FARP2: variants seen among roughly 807,000 people sequenced by gnomAD.
The protein encoded by FARP2 is FERM, ARHGEF and pleckstrin domain-containing protein 2.
Under a neutral mutation model 130.5 loss-of-function variants are expected in FARP2, and 111 were observed. The observed-to-expected ratio is 0.85, with a 90% CI of 0.73 to 1.00. The LOEUF (loss-of-function observed/expected upper bound fraction) is 1.00, where lower values mean the gene tolerates loss of function less well. Ranked by LOEUF, FARP2 falls within the 50% of genes least tolerant of loss-of-function variation. The pLI is 0.00. For synonymous variants in FARP2, 504 were observed against 516.9 expected, an observed-to-expected ratio of 0.98 and a Z score of 0.34; for missense variants, 1,385 against 1,346.3, an observed-to-expected ratio of 1.03 and a Z score of -0.45.
intron 19 of FARP2, among the ~76,000 whole-genome samples, chr2:241,481,055 CCAAAAAAAAA>C (rs764233978): frequency 4.8e-5 from 3 of 62,590 alleles, no homozygotes; most frequent in African/African-American, 1.9e-4. Context: ...CTTGTCTCTA[CCAAAAAAAAA>C]AAAAAAAAAA....
At chr2:241,477,123 CTT>C (rs71406462) in intron 19 of FARP2, among the ~76,000 whole-genome samples, 14 of 122,630 alleles carry the variant, frequency 1.1e-4, no homozygotes, top group African/African-American at 1.2e-4. Context: ...ATTCATGTTC[CTT>C]TTTTTTTTTT....
At chr2:241,374,370 T>C (rs1361303658) in intron 2 of FARP2, among the ~76,000 whole-genome samples, 1 of 152,260 alleles carries the variant, frequency 6.6e-6, no homozygotes, top group East Asian at 1.9e-4. Context: ...TTCTCTTTTT[T>C]CTAATTTTTT....
intron 8 of FARP2, among the ~76,000 whole-genome samples, chr2:241,421,101 A>G (rs941970714): frequency 1.3e-5 from 2 of 152,170 alleles, no homozygotes; most frequent in Non-Finnish European, 2.9e-5. Context: ...TCCCCAGCCA[A>G]GAGAAATGGT....
At chr2:241,384,805 A>G (rs1330465864) in intron 2 of FARP2, among the ~76,000 whole-genome samples, 2 of 152,226 alleles carry the variant, frequency 1.3e-5, no homozygotes, top group South Asian at 2.1e-4. Context: ...AGACATTACT[A>G]TCCTAGGAAA....
In FARP2 at chr2:241,379,832, G is replaced by A. The variant is rs1438233902; in HGVS notation, c.183+6542G>A. 2.6e-4 allele frequency among the ~76,000 whole-genome samples: 40 copies of A among 152,196 alleles called. 1 individual carries two copies. The highest frequency in any genetic ancestry group is 2.6e-3 in the Admixed American group (39 of 15,268). ...CTCTTATGTGTTTCTGGGATACCAA[G>A]CTATTATGTGACTCTGCCCTAGCTT... On this transcript the variant is annotated intron_variant, in intron 2 of 26. Coordinates refer to ENST00000264042, the MANE Select transcript of FARP2 (RefSeq NM_014808.4).
chr2:241,381,546 G>GA (rs1264032884), intron 2 of FARP2, among the ~76,000 whole-genome samples: 1 of 152,096 alleles, frequency 6.6e-6, no homozygotes, highest in Non-Finnish European at 1.5e-5. Flanking sequence ...TCCACAGCTG[G>GA]AAGGTGCAGT....
At chr2:241,465,922 C>T in intron 17 of FARP2, 1 of 1,425,332 alleles carries the variant, frequency 7.0e-7, no homozygotes, top group Non-Finnish European at 9.2e-7. Context: ...GTGCCCTTTT[C>T]CTGCCTCGAC....
At chr2:241,393,737 C>T (rs1201900546) in intron 2 of FARP2, among the ~76,000 whole-genome samples, 2 of 152,166 alleles carry the variant, frequency 1.3e-5, no homozygotes, top group Non-Finnish European at 1.5e-5. Flanking sequence ...TAAAGAAGTA[C>T]TTTGTTAGCC....
At chr2:241,356,740 C>T (rs755847524) in intron 1 of FARP2, among the ~76,000 whole-genome samples, 1 of 152,116 alleles carries the variant, frequency 6.6e-6, no homozygotes, top group African/African-American at 2.4e-5. Context: ...TTGAGTTGTG[C>T]CCCGTGGAGG....
intron 1 of FARP2, among the ~76,000 whole-genome samples, chr2:241,357,310 A>G (rs547145564): frequency 2.5e-4 from 38 of 152,268 alleles, no homozygotes; most frequent in African/African-American, 8.7e-4. Context: ...GCAGTGGGTT[A>G]GCGTGTTGGT....
intron 19 of FARP2, chr2:241,477,811 G>A (rs1171733520): frequency 6.6e-6 from 1 of 152,558 alleles, no homozygotes; most frequent in African/African-American, 2.4e-5. Flanking sequence ...GATAGCTAAT[G>A]ATATTGAGCA....
At chr2:241,491,205 G>T (rs149385532) in intron 23 of FARP2, 26 bp downstream of exon 23, 11 of 1,535,100 alleles carry the variant, frequency 7.2e-6, no homozygotes, top group Middle Eastern at 1.7e-4. Flanking sequence ...AACCCCCCAG[G>T]AGACCTCCAC....
At chr2:241,385,411 A>G (rs1311958748) in intron 2 of FARP2, among the ~76,000 whole-genome samples, 1 of 152,210 alleles carries the variant, frequency 6.6e-6, no homozygotes, top group Non-Finnish European at 1.5e-5. Flanking sequence ...TATACATCCA[A>G]CAAAAAATTC....
intron 2 of FARP2, chr2:241,387,340 G>A (rs1006396495): frequency 1.3e-5 from 2 of 152,096 alleles, no homozygotes; most frequent in Admixed American, 6.6e-5. Context: ...ATGACACTAC[G>A]TTGTATATAG....
intron 2 of FARP2, among the ~76,000 whole-genome samples, chr2:241,391,412 C>T (rs2061901262): frequency 6.6e-6 from 1 of 152,124 alleles, no homozygotes; most frequent in African/African-American, 2.4e-5. Context: ...TGTGCCCTTG[C>T]CCAGGTGGAA....
intron 1 of FARP2, among the ~76,000 whole-genome samples, chr2:241,368,723 C>G (rs753793591): frequency 6.6e-6 from 1 of 152,098 alleles, no homozygotes; most frequent in Non-Finnish European, 1.5e-5. Flanking sequence ...CCTCCCACCT[C>G]AGTCTCCTGA....
intron 7 of FARP2, among the ~76,000 whole-genome samples, chr2:241,413,915 C>T (rs1240770016): frequency 6.6e-6 from 1 of 150,730 alleles, no homozygotes; most frequent in East Asian, 1.9e-4. Flanking sequence ...ACACTCCAGC[C>T]TGGCACCAGA....
intron 2 of FARP2, among the ~76,000 whole-genome samples, chr2:241,379,498 CTTTT>C (rs1185771677): frequency 1.3e-5 from 2 of 152,116 alleles, no homozygotes; most frequent in African/African-American, 4.8e-5. Flanking sequence ...CCTTTTCTTT[CTTTT>C]TTTCTTTAGA....
chr2:241,436,992 A>G (rs1019408215), intron 12 of FARP2, among the ~76,000 whole-genome samples: 1 of 152,242 alleles, frequency 6.6e-6, no homozygotes, highest in African/African-American at 2.4e-5. Context: ...TCTCAAAAAA[A>G]AGAGAGAAAG....
Sources: gnomAD v4.1 joint callset for allele counts (sites outside exome capture counted in the v4.1 genomes callset) on GRCh38, gnomAD v4.1.1 for gene constraint, MANE v1.5 for transcripts, NCBI Gene and HGNC (gene_info 2026-07-23, HGNC 2026-07-21) for gene names.